The following SLC24A4 variants were observed in gnomAD, a reference collection of about 807,000 sequenced individuals.
The protein encoded by SLC24A4 is sodium/potassium/calcium exchanger 4.
In SLC24A4, 53 loss-of-function variants were observed where a neutral mutation model predicts 79.0. The ratio of observed to expected loss-of-function variants is 0.67; its 90% CI spans 0.54 to 0.84. The LOEUF (loss-of-function observed/expected upper bound fraction) is 0.84. Ranked by LOEUF, SLC24A4 falls within the 40% of genes least tolerant of loss-of-function variation. The pLI is 0.00. For synonymous variants in SLC24A4, 323 were observed against 323.8 expected, an observed-to-expected ratio of 1.00 and a Z score of 0.03; for missense variants, 731 against 822.0, an observed-to-expected ratio of 0.89 and a Z score of 1.35.
At chr14:92,347,217 T>A (rs1016634351) in intron 2 of SLC24A4, among the ~76,000 whole-genome samples, 1 of 152,196 alleles carries the variant, frequency 6.6e-6, no homozygotes, top group African/African-American at 2.4e-5. Flanking sequence ...GTCAAAGGAA[T>A]TGGTGTAATA....
chr14:92,362,094 G>A (rs1013493194), intron 2 of SLC24A4, among the ~76,000 whole-genome samples: 1 of 152,136 alleles, frequency 6.6e-6, no homozygotes, highest in African/African-American at 2.4e-5. Context: ...ATGACTGAGC[G>A]TCTTGGGGAT....
intron 2 of SLC24A4, 89 bp from the exon 3 acceptor site, chr14:92,433,823 A>T (rs577080567): frequency 1.8e-6 from 2 of 1,092,704 alleles, no homozygotes; most frequent in African/African-American, 3.1e-5. Context: ...TGGGCTCTGC[A>T]GTTCCTTAGT....
At chr14:92,443,595 G>A (rs886734799) in intron 7 of SLC24A4, 121 bp downstream of exon 7, 1 of 994,422 alleles carries the variant, frequency 1.0e-6, no homozygotes, top group South Asian at 1.4e-5. Context: ...CAATAGTGGG[G>A]TGTGCCAGCC....
At chr14:92,486,869 C>T in intron 14 of SLC24A4, 89 bp downstream of exon 14, 1 of 853,544 alleles carries the variant, frequency 1.2e-6, no homozygotes, top group Admixed American at 2.5e-5. Flanking sequence ...CAAGTTGTGG[C>T]TCTTATGACT....
At chr14:92,328,760 C>G (rs1254894377) in intron 2 of SLC24A4, among the ~76,000 whole-genome samples, 2 of 152,252 alleles carry the variant, frequency 1.3e-5, no homozygotes, top group Non-Finnish European at 2.9e-5. Context: ...CATGACCACC[C>G]TTGCAGATTG....
intron 13 of SLC24A4, among the ~76,000 whole-genome samples, chr14:92,483,274 C>G (rs1476813220): frequency 6.6e-6 from 1 of 152,158 alleles, no homozygotes; most frequent in Non-Finnish European, 1.5e-5. Context: ...ATGCTCCTCC[C>G]CCCACTGATG....
At chr14:92,423,722 A>G (rs1164790069) in intron 2 of SLC24A4, among the ~76,000 whole-genome samples, 1 of 152,224 alleles carries the variant, frequency 6.6e-6, no homozygotes, top group Non-Finnish European at 1.5e-5. Context: ...AAGTCAGGCA[A>G]GGGAGCCGGG....
Position 92,444,926 on chromosome 14 carries a change from CACACAT to C in SLC24A4, c.658-385_658-380del, listed in dbSNP as rs1322124401. On this transcript the variant is annotated intron_variant, in intron 7 of 16. Transcript: ENST00000532405. ...TATACACACACACACCCTATATACA[CACACAT>C]ACACACACACACACACACACACACA... is the stretch of plus-strand genomic sequence containing the variant. Among the ~76,000 whole-genome samples, 102 of 73,402 alleles carry C rather than the reference CACACAT, an allele frequency of 1.4e-3. No individual in the cohort carries two copies. The East Asian group carries it at 0.02, about 15-fold the overall frequency. The allele number at this position is 73,402 out of a possible 152,430, so 48.2% of individuals were successfully genotyped here. A position where few individuals can be genotyped will look rare whatever the true frequency, so the allele number is the denominator to read the frequency against.
intron 2 of SLC24A4, among the ~76,000 whole-genome samples, chr14:92,376,049 C>T (rs1388137886): frequency 2.0e-5 from 3 of 152,218 alleles, no homozygotes; most frequent in African/African-American, 7.2e-5. Flanking sequence ...TTTGGAATCT[C>T]ATAACACACT....
intron 9 of SLC24A4, among the ~76,000 whole-genome samples, chr14:92,448,341 T>TACACACACACACACAC (rs1415258640): frequency 4.8e-4 from 9 of 18,676 alleles, no homozygotes; most frequent in South Asian, 2.9e-3. Context: ...TTTTTCCCAC[T>TACACACACACACACAC]ACATACACAC....
chr14:92,461,968 G>C (rs1042374612), intron 12 of SLC24A4, among the ~76,000 whole-genome samples: 1 of 152,246 alleles, frequency 6.6e-6, no homozygotes, highest in Non-Finnish European at 1.5e-5. Context: ...TATCCTCTGA[G>C]TACTGCCTCT....
At chr14:92,358,695 CTT>C (rs749108837) in intron 2 of SLC24A4, among the ~76,000 whole-genome samples, 22 of 130,878 alleles carry the variant, frequency 1.7e-4, no homozygotes, top group African/African-American at 2.7e-4. Flanking sequence ...CACATCTACT[CTT>C]TTTTTTTTTT....
At chr14:92,442,489 A>G (rs376763242) in intron 5 of SLC24A4, among the ~76,000 whole-genome samples, 1 of 152,234 alleles carries the variant, frequency 6.6e-6, no homozygotes, top group Admixed American at 6.5e-5. Context: ...TGCACATTAT[A>G]TCTGAGTAAA....
rs74427573 is a variant in SLC24A4, at chr14:92,390,490, C to T, written c.242-43422C>T. On this transcript the variant is annotated intron_variant, in intron 2 of 16. Transcript: ENST00000532405. Reference sequence around the variant, plus strand: ...GCTCTCCTTCCAGTTAATTATTCCCCGAGTTAAGATCTGACAATATATTTT... The same window carrying T: ...GCTCTCCTTCCAGTTAATTATTCCCTGAGTTAAGATCTGACAATATATTTT... 8.5e-3 allele frequency among the ~76,000 whole-genome samples: 1,296 copies of T among 152,208 alleles called. 23 individuals are homozygous for T. Among genetic ancestry groups the T allele is most frequent in the African/African-American group, 0.028 (1,181 of 41,494 alleles).
At chr14:92,413,183 C>T (rs1056397057) in intron 2 of SLC24A4, among the ~76,000 whole-genome samples, 5 of 152,220 alleles carry the variant, frequency 3.3e-5, no homozygotes, top group East Asian at 1.9e-4. Flanking sequence ...CTTTGCTCAG[C>T]GATCTGCTGC....
chr14:92,427,367 G>A (rs530611874), intron 2 of SLC24A4, among the ~76,000 whole-genome samples: 8 of 152,386 alleles, frequency 5.2e-5, no homozygotes, highest in Middle Eastern at 3.4e-3. Flanking sequence ...GGGCACCATG[G>A]GGAAGGTGGC....
chr14:92,444,399 T>C (rs375953051), intron 7 of SLC24A4, among the ~76,000 whole-genome samples: 2 of 152,270 alleles, frequency 1.3e-5, no homozygotes, highest in East Asian at 3.9e-4. Flanking sequence ...CTAAGCCCCG[T>C]GGGTGGTGCC....
intron 10 of SLC24A4, chr14:92,453,552 G>T (rs762374692): frequency 2.5e-4 from 51 of 200,650 alleles, no homozygotes; most frequent in Non-Finnish European, 5.0e-4. Context: ...CGTGTGTATT[G>T]TAGGTTGGCT....
rs914896679 is a variant in SLC24A4 at position 92,495,312 on chromosome 14, C to G, written c.*1684C>G. 1 of 152,184 alleles carries G rather than the reference C, an allele frequency of 6.6e-6. No homozygotes were observed. The highest frequency in any genetic ancestry group is 1.5e-5 in the Non-Finnish European group (1 of 68,048). The allele number at this position is 152,184 out of a possible 1,614,324, so 9.4% of individuals were successfully genotyped here. Reference sequence around the variant, plus strand: ...CATGAGCCTGCGACAGGACCTCACCCCCACCACCAGGCTTCTATTTGGGAT... The same window carrying G: ...CATGAGCCTGCGACAGGACCTCACCGCCACCACCAGGCTTCTATTTGGGAT... On this transcript the variant is annotated 3_prime_UTR_variant, in exon 17 of 17. Coordinates refer to ENST00000532405, the MANE Select transcript of SLC24A4 (RefSeq NM_153646.4).
Sources: gnomAD v4.1 joint callset for allele counts (sites outside exome capture counted in the v4.1 genomes callset) on GRCh38, gnomAD v4.1.1 for gene constraint, MANE v1.5 for transcripts, NCBI Gene and HGNC (gene_info 2026-07-23, HGNC 2026-07-21) for gene names.